Variants in DPF3 observed in about 807,000 individuals in gnomAD.
DPF3 encodes double PHD fingers 3, also known as zinc finger protein DPF3.
A neutral mutation model predicts 56.8 loss-of-function variants in DPF3; 18 were observed. The ratio of observed to expected loss-of-function variants is 0.32; its 90% CI spans 0.22 to 0.47. DPF3 has a LOEUF of 0.47. DPF3 is among the 20% of genes least tolerant of loss of function. The pLI is 1.00. For synonymous variants in DPF3, 188 were observed against 180.2 expected (o/e 1.04, Z -0.35); for missense variants, 403 against 488.8 (o/e 0.82, Z 1.65).
intron 1 of DPF3, among the ~76,000 whole-genome samples, chr14:72,781,912 G>T (rs971111910): frequency 4.6e-5 from 7 of 152,192 alleles, no homozygotes; most frequent in African/African-American, 1.7e-4. Flanking sequence ...TACCTAGAAA[G>T]AAAACATGCA....
At chr14:72,851,922 G>C (rs1232350639) in intron 1 of DPF3, among the ~76,000 whole-genome samples, 6 of 152,252 alleles carry the variant, frequency 3.9e-5, no homozygotes. Context: ...TTTGAGGACA[G>C]CAGAGCCACT....
intron 1 of DPF3, among the ~76,000 whole-genome samples, chr14:72,828,495 G>A (rs2140047556): frequency 7.4e-6 from 1 of 135,252 alleles, no homozygotes; most frequent in Non-Finnish European, 1.5e-5. Flanking sequence ...CCATGATGGT[G>A]CCACTGCACT....
At chr14:72,812,469 G>A (rs1264512779) in intron 1 of DPF3, among the ~76,000 whole-genome samples, 1 of 152,156 alleles carries the variant, frequency 6.6e-6, no homozygotes, top group African/African-American at 2.4e-5. Context: ...GAGGGGCTTG[G>A]AGGCAACATC....
intron 1 of DPF3, among the ~76,000 whole-genome samples, chr14:72,841,890 C>G (rs1808667107): frequency 6.6e-6 from 1 of 151,912 alleles, no homozygotes; most frequent in Non-Finnish European, 1.5e-5. Flanking sequence ...TGAGACCAGC[C>G]TGGAAAATAT....
At chr14:72,682,860 G>A (rs535247523) in intron 7 of DPF3, among the ~76,000 whole-genome samples, 120 of 152,286 alleles carry the variant, frequency 7.9e-4, no homozygotes, top group South Asian at 2.5e-3. Flanking sequence ...TAGGAAAAGA[G>A]CAAAAACCAA....
intron 2 of DPF3, among the ~76,000 whole-genome samples, chr14:72,767,005 G>A (rs1251502586): frequency 6.6e-6 from 1 of 152,144 alleles, no homozygotes; most frequent in East Asian, 1.9e-4. Context: ...TCCCAAGTAG[G>A]ATAATACCAG....
chr14:72,818,302 C>T (rs779359647), intron 1 of DPF3, among the ~76,000 whole-genome samples: 11 of 151,606 alleles, frequency 7.3e-5, no homozygotes, highest in Admixed American at 1.3e-4. Flanking sequence ...TTGGTGTAGG[C>T]AAAGATTCTT....
chr14:72,737,733 C>A (rs1176858532), intron 3 of DPF3, among the ~76,000 whole-genome samples: 1 of 152,090 alleles, frequency 6.6e-6, no homozygotes, highest in Non-Finnish European at 1.5e-5. Context: ...ACAGACTGCC[C>A]CAAGGGAAAT....
At chr14:72,732,066 G>A in intron 3 of DPF3, 132 bp from the exon 4 acceptor site, 1 of 1,222,310 alleles carries the variant, frequency 8.2e-7, no homozygotes, top group Non-Finnish European at 1.1e-6. Flanking sequence ...CTCCTGGAGG[G>A]AGAGGAACAC....
chr14:72,714,551 A>G, intron 5 of DPF3, 50 bp from the exon 6 acceptor site: 1 of 1,600,592 alleles, frequency 6.2e-7, no homozygotes, highest in Non-Finnish European at 8.5e-7. Context: ...TCATCACTAC[A>G]GCTCCGGAGC....
chr14:72,891,294 G>A (rs1886741799), intron 1 of DPF3, among the ~76,000 whole-genome samples: 1 of 143,288 alleles, frequency 7.0e-6, no homozygotes, highest in East Asian at 2.1e-4. Flanking sequence ...TTTTCTGTAG[G>A]AGACGTCCGT....
intron 1 of DPF3, among the ~76,000 whole-genome samples, chr14:72,807,796 A>G (rs1170959373): frequency 6.6e-6 from 1 of 152,188 alleles, no homozygotes; most frequent in Non-Finnish European, 1.5e-5. Flanking sequence ...GGAAGACCCC[A>G]TCTCTACAAC....
chr14:72,800,047 T>G (rs1892808129), intron 1 of DPF3, among the ~76,000 whole-genome samples: 2 of 152,158 alleles, frequency 1.3e-5, no homozygotes, highest in Non-Finnish European at 2.9e-5. Flanking sequence ...ATTTGCAACC[T>G]TAAAAAGCCC....
chr14:72,682,772 G>A (rs992173925), intron 7 of DPF3, among the ~76,000 whole-genome samples: 7 of 152,338 alleles, frequency 4.6e-5, no homozygotes, highest in Non-Finnish European at 7.3e-5. Flanking sequence ...GGTGGCACAC[G>A]CAGGGGCGCA....
chr14:72,717,439 TC>T (rs1431663398), intron 5 of DPF3, among the ~76,000 whole-genome samples: 1 of 152,072 alleles, frequency 6.6e-6, no homozygotes, highest in African/African-American at 2.4e-5. Context: ...ACACATCATT[TC>T]CCCCCTCCTT....
rs1450383532 is a variant in DPF3, at chr14:72,611,076, T to A, written c.*8221A>T. Among the ~76,000 whole-genome samples, 1 of 152,158 alleles carries A rather than the reference T, an allele frequency of 6.6e-6. No homozygotes were observed. Among genetic ancestry groups the A allele is most frequent in the Non-Finnish European group, 1.5e-5 (1 of 68,020 alleles). ...CCAGAATTCTCCTCACTGGGAGTCA[T>A]GTGCCATCCAGGGCCCCAGAGGAGC... On this transcript the variant is annotated 3_prime_UTR_variant, in exon 11 of 11. Transcript: ENST00000556509.
At chr14:72,893,429 G>A (rs905561622) in intron 1 of DPF3, among the ~76,000 whole-genome samples, 12 of 152,062 alleles carry the variant, frequency 7.9e-5, no homozygotes, top group African/African-American at 1.2e-4. Context: ...AAAGCCCGGG[G>A]CGACCACCTG....
rs3742836 is a variant in DPF3, at chr14:72,753,312, A to G, written c.253T>C (p.Leu85=). The change falls in exon 3 of 11, where the codon TTG becomes CTG. Residue 85 remains leucine (L), a synonymous_variant. Coordinates refer to ENST00000556509, the MANE Select transcript of DPF3 (RefSeq NM_001280542.3). ...AGTTTTGGATCTTCAGGTGGGTGCA[A>G]TCGTCTCTTCTTGCGCCAGCAGCGG... ...PARCWRKKRR[L]HPPEDPKLRL... 0.27 allele frequency: 429,328 copies of G among 1,613,002 alleles called. 59,327 individuals are homozygous for G. The highest frequency in any genetic ancestry group is 0.29 in the South Asian group (26,410 of 90,978).
In DPF3 at chr14:72,624,562, C is replaced by T. The variant is rs560142203; in HGVS notation, c.985-4578G>A. On this transcript the variant is annotated intron_variant, in intron 9 of 10. Coordinates refer to ENST00000556509, the MANE Select transcript of DPF3 (RefSeq NM_001280542.3). ...CCAAGTTGGCCAGGCTGTTCTCCAG[C>T]GCCTGACCTCAGGTAATCCGCCCGC... 1.3e-3 allele frequency among the ~76,000 whole-genome samples: 199 copies of T among 152,262 alleles called. 1 individual carries two copies. The highest frequency in any genetic ancestry group is 3.9e-3 in the African/African-American group (164 of 41,544).
Sources: gnomAD v4.1 joint callset for allele counts (sites outside exome capture counted in the v4.1 genomes callset) on GRCh38, gnomAD v4.1.1 for gene constraint, MANE v1.5 for transcripts, NCBI Gene and HGNC (gene_info 2026-07-23, HGNC 2026-07-21) for gene names.